The following DLG5 variants were observed in gnomAD, a reference collection of about 807,000 sequenced individuals.
DLG5 encodes the protein disks large homolog 5.
A neutral mutation model predicts 189.8 loss-of-function variants in DLG5; 48 were observed. That is an observed-to-expected ratio of 0.25 (90% CI 0.20 to 0.32). The LOEUF (loss-of-function observed/expected upper bound fraction) is 0.32. Among genes scored for constraint, DLG5 ranks in the 10% least tolerant of loss-of-function variants. DLG5 has a pLI of 1.00. For synonymous variants in DLG5, 1,016 were observed against 1,054.1 expected (o/e 0.96, Z 0.70); for missense variants, 2,160 against 2,544.7 (o/e 0.85, Z 3.25).
chr10:77,812,520 G>A, intron 20 of DLG5, 143 bp from the exon 21 acceptor site: 1 of 920,684 alleles, frequency 1.1e-6, no homozygotes, highest in Non-Finnish European at 1.6e-6. Flanking sequence ...AGCTACATGG[G>A]GACATGGTGG....
At chr10:77,834,314 A>G (rs1029290440) in intron 8 of DLG5, among the ~76,000 whole-genome samples, 6 of 151,924 alleles carry the variant, frequency 3.9e-5, no homozygotes, top group South Asian at 4.2e-4. Context: ...TTCACCCTCA[A>G]TGTGCCTGGG....
chr10:77,804,209 G>A (rs748831290), intron 27 of DLG5, among the ~76,000 whole-genome samples: 26 of 152,048 alleles, frequency 1.7e-4, no homozygotes, highest in Non-Finnish European at 3.1e-4. Flanking sequence ...TTTCTATAAG[G>A]GGCAAGATAG....
At chr10:77,882,315 A>T (rs569473659) in intron 1 of DLG5, among the ~76,000 whole-genome samples, 3 of 152,314 alleles carry the variant, frequency 2.0e-5, no homozygotes, top group African/African-American at 7.2e-5. Flanking sequence ...TGTCATTTGC[A>T]CACTGAGGCT....
At chr10:77,932,341 C>T in the DLG5 span, among the ~76,000 whole-genome samples, 26 of 152,310 alleles carry the variant, frequency 1.7e-4, no homozygotes, top group Admixed American at 1.7e-3. Context: ...TCTGCTGTAT[C>T]TCCACAGCAC....
At chr10:77,814,725 C>CCA in intron 20 of DLG5, among the ~76,000 whole-genome samples, 1 of 151,870 alleles carries the variant, frequency 6.6e-6, no homozygotes, top group South Asian at 2.1e-4. Context: ...CAGGTGCCTG[C>CCA]CACCGTGCCT....
chr10:77,939,104 C>G, the DLG5 span, among the ~76,000 whole-genome samples: 1 of 152,134 alleles, frequency 6.6e-6, no homozygotes, highest in Non-Finnish European at 1.5e-5. Flanking sequence ...CACTTGAACC[C>G]GGGAGGCAGA....
chr10:77,802,930 G>A (rs1420675386), intron 27 of DLG5, among the ~76,000 whole-genome samples: 1 of 152,028 alleles, frequency 6.6e-6, no homozygotes, highest in Non-Finnish European at 1.5e-5. Context: ...AATAAAATGC[G>A]AATAGTATCA....
chr10:77,892,199 T>A (rs541435189), intron 1 of DLG5, among the ~76,000 whole-genome samples: 37 of 152,308 alleles, frequency 2.4e-4, no homozygotes, highest in African/African-American at 7.5e-4. Context: ...CAGTAGCACA[T>A]CTGACACGTG....
At chr10:77,830,521 A>G (rs1036287576) in intron 10 of DLG5, among the ~76,000 whole-genome samples, 177 bp from the exon 11 acceptor site, 2 of 152,188 alleles carry the variant, frequency 1.3e-5, no homozygotes, top group Admixed American at 6.5e-5. Flanking sequence ...CCTTCTGGCC[A>G]CTGCAGACAG....
intron 10 of DLG5, 88 bp downstream of exon 10, chr10:77,830,653 T>G: frequency 6.5e-7 from 1 of 1,542,526 alleles, no homozygotes; most frequent in Non-Finnish European, 8.8e-7. Flanking sequence ...AAACTTGGAG[T>G]GGTGAAACTG....
chr10:77,902,617 T>G (rs1845958445), intron 1 of DLG5, among the ~76,000 whole-genome samples: 1 of 151,720 alleles, frequency 6.6e-6, no homozygotes, highest in Admixed American at 6.6e-5. Context: ...TCCCAGCACT[T>G]TGGGAGGCCG....
chr10:77,869,516 T>C, intron 1 of DLG5: 4 of 372,934 alleles, frequency 1.1e-5, no homozygotes, highest in Non-Finnish European at 2.0e-5. Flanking sequence ...CAGGTAAACA[T>C]GGGGTGTGGG....
At chr10:77,874,013 G>A (rs1032676512) in intron 1 of DLG5, among the ~76,000 whole-genome samples, 1 of 152,332 alleles carries the variant, frequency 6.6e-6, no homozygotes, top group Non-Finnish European at 1.5e-5. Flanking sequence ...ACCACAGCCT[G>A]ACGAACCACA....
At position 77,809,629 on chromosome 10, in the gene DLG5, T is replaced by C. The variant is rs137891309; in HGVS notation, c.4565A>G (p.His1522Arg). Reference protein sequence around the residue: ...LGVHLCGGNLHGVFVAEVEDD... With the variant: ...LGVHLCGGNLRGVFVAEVEDD... The stretch of plus-strand genomic sequence containing the variant: ...CTCCACCTCGGCCACAAACACCCCA[T>C]GCAGGTTCCCACCACACAAGTGCAC... Residue 1522 changes from histidine to arginine, a missense_variant, in exon 24 of 32, where the codon CAT (histidine) becomes CGT (arginine). By Grantham distance (29) the His-to-Arg change is conservative (BLOSUM62 0). Transcript: ENST00000372391. 46 of 1,614,056 alleles carry C rather than the reference T, an allele frequency of 2.8e-5. No homozygotes were observed. Among genetic ancestry groups the C allele is most frequent in the Non-Finnish European group, 3.5e-5 (41 of 1,180,024 alleles).
At position 77,807,926 on chromosome 10, in the gene DLG5, G is replaced by A. The variant is rs776080412; in HGVS notation, c.4666C>T (p.Arg1556Trp). 1.1e-5 allele frequency: 17 copies of A among 1,613,998 alleles called. No homozygotes were observed. The highest frequency in any genetic ancestry group is 8.0e-5 in the African/African-American group (6 of 74,940). ...TAGACTTCCTCCACTGTCTTGTTCC[G>A]CACGTCCAGGCTGCCATACTGCCAG... ...LILEYGSLDV[R>W]NKTVEEVYVE... Residue 1556 changes from arginine to tryptophan, a missense_variant, in exon 25 of 32, where the codon CGG becomes TGG. Arg to Trp is a moderately radical substitution (Grantham distance 101, BLOSUM62 -3). This residue lies in a region of DLG5 where 574 missense variants were observed against 644.2 expected (regional missense o/e 0.89). Transcript: ENST00000372391.
At chr10:77,899,064 T>A (rs1845847923) in intron 1 of DLG5, among the ~76,000 whole-genome samples, 1 of 152,196 alleles carries the variant, frequency 6.6e-6, no homozygotes, top group African/African-American at 2.4e-5. Flanking sequence ...TTCTCCCACA[T>A]CTGTGCCCTC....
At chr10:77,896,945 G>C (rs1304776617) in intron 1 of DLG5, among the ~76,000 whole-genome samples, 1 of 151,942 alleles carries the variant, frequency 6.6e-6, no homozygotes, top group Non-Finnish European at 1.5e-5. Context: ...CAAAATGTCA[G>C]AGAAAGAAAG....
chr10:77,830,458 T>C, intron 10 of DLG5, 114 bp from the exon 11 acceptor site: 1 of 1,482,886 alleles, frequency 6.7e-7, no homozygotes, highest in Admixed American at 1.9e-5. Context: ...TCACCTCATC[T>C]GATAAGACAC....
Position 77,805,722 on chromosome 10 carries a change from C to T in DLG5, c.5107G>A (p.Gly1703Arg), listed in dbSNP as rs1173331614. ...GCATCCAAGGCGAGCAGGTCTTTCCCGTCCTTGGACCCGCTGCGTTTGTGC... is the reference window on the plus strand; with the variant it reads ...GCATCCAAGGCGAGCAGGTCTTTCCTGTCCTTGGACCCGCTGCGTTTGTGC... ...HKHKRSGSKD[G>R]KDLLALDAFS... Residue 1703 changes from glycine to arginine, a missense_variant, in exon 27 of 32, where the codon GGG becomes AGG. Gly to Arg is a moderately radical substitution (Grantham distance 125). Around this residue, in one of 5 missense-constraint regions of DLG5, gnomAD observed 574 missense variants for 644.2 expected, o/e 0.89. Coordinates refer to ENST00000372391, the MANE Select transcript of DLG5 (RefSeq NM_004747.4). 5.0e-6 allele frequency: 8 copies of T among 1,614,106 alleles called. No individual in the cohort carries two copies. The highest frequency in any genetic ancestry group is 3.3e-5 in the Admixed American group (2 of 60,010).
Sources: allele counts gnomAD v4.1 joint callset (sites outside exome capture counted in the v4.1 genomes callset), GRCh38; gene constraint gnomAD v4.1.1; regional missense constraint gnomAD v4.1.1; transcripts MANE v1.5; gene names NCBI Gene and HGNC (gene_info 2026-07-23, HGNC 2026-07-21).